Variants in CHN1 observed in about 807,000 individuals in gnomAD.
CHN1 encodes the protein chimerin 1, also known as N-chimaerin.
CHN1 carries 37 observed loss-of-function variants against 59.5 expected under a neutral mutation model. That is an observed-to-expected ratio of 0.62 (90% CI 0.48 to 0.82). The LOEUF (loss-of-function observed/expected upper bound fraction) is 0.82. CHN1 is among the 40% of genes least tolerant of loss of function. CHN1 has a pLI of 0.00. For missense variants in CHN1, 469 were observed against 571.0 expected, an observed-to-expected ratio of 0.82 and a Z score of 1.82; for synonymous variants, 206 against 200.4, an observed-to-expected ratio of 1.03 and a Z score of -0.24.
chr2:174,801,877 T>C (rs1684733590), intron 11 of CHN1, 65 bp from the exon 12 acceptor site: 1 of 1,161,792 alleles, frequency 8.6e-7, no homozygotes, highest in African/African-American at 1.5e-5. Flanking sequence ...AATGGTTCAC[T>C]GAATTCTATT....
intron 6 of CHN1, chr2:174,875,911 A>G (rs1282995799): frequency 1.3e-6 from 1 of 789,668 alleles, no homozygotes; most frequent in African/African-American, 1.9e-5. Flanking sequence ...ATTTTAAGCC[A>G]GCTAGATTTA....
Position 175,005,120 on chromosome 2 carries a change from C to G in CHN1, c.-208G>C, listed in dbSNP as rs564375528. On this transcript the variant is annotated 5_prime_UTR_variant, in exon 1 of 13. Transcript: ENST00000409900. ...TATTCACGCGTTATTGTCGGGCGCA[C>G]CGGGCCCAGGGAGCCCCGCTAGCTC... is the stretch of plus-strand genomic sequence containing the variant. The G allele has an allele frequency of 2.3e-6, 3 of 1,318,728 alleles. No homozygotes were observed. In the East Asian group the frequency reaches 9.8e-5, roughly 43 times the overall value. The allele number at this position is 1,318,728 out of a possible 1,614,324, so 81.7% of individuals were successfully genotyped here.
intron 3 of CHN1, among the ~76,000 whole-genome samples, chr2:174,933,252 A>C (rs1186230318): frequency 3.9e-5 from 6 of 152,192 alleles, no homozygotes; most frequent in African/African-American, 1.4e-4. Flanking sequence ...TTACATTAAA[A>C]CCTGAAACTG....
chr2:174,803,007 T>A (rs1684776352), intron 11 of CHN1, among the ~76,000 whole-genome samples: 1 of 151,978 alleles, frequency 6.6e-6, no homozygotes. Context: ...CACTGTGCTC[T>A]AAGCCTGGGT....
intron 8 of CHN1, among the ~76,000 whole-genome samples, chr2:174,817,980 C>T (rs911868165): frequency 6.6e-6 from 1 of 152,004 alleles, no homozygotes; most frequent in Non-Finnish European, 1.5e-5. Flanking sequence ...ACCATATTGG[C>T]CAGGCTGGTA....
intron 5 of CHN1, among the ~76,000 whole-genome samples, chr2:174,912,849 C>T (rs1220585824): frequency 1.3e-5 from 2 of 152,136 alleles, no homozygotes; most frequent in East Asian, 3.8e-4. Context: ...CCCCTTTTTA[C>T]TCACTATTTT....
intron 1 of CHN1, among the ~76,000 whole-genome samples, chr2:174,961,909 C>G (rs1393263836): frequency 6.6e-6 from 1 of 152,086 alleles, no homozygotes. Context: ...CTCAGGAGTC[C>G]CTGGACCATG....
chr2:174,941,859 T>C (rs1431190657), intron 3 of CHN1, among the ~76,000 whole-genome samples: 2 of 152,098 alleles, frequency 1.3e-5, no homozygotes, highest in African/African-American at 4.8e-5. Context: ...TATTTCTGAG[T>C]TTGTACAGTC....
chr2:174,945,559 T>C (rs553247039), intron 2 of CHN1, among the ~76,000 whole-genome samples: 1 of 152,100 alleles, frequency 6.6e-6, no homozygotes, highest in South Asian at 2.1e-4. Context: ...TCAGTGAAAA[T>C]TATACTGATA....
chr2:174,865,864 T>C (rs541342260), intron 6 of CHN1, among the ~76,000 whole-genome samples: 2 of 152,266 alleles, frequency 1.3e-5, no homozygotes, highest in African/African-American at 4.8e-5. Flanking sequence ...AAAGAACATA[T>C]GGGTAGAAAA....
intron 3 of CHN1, among the ~76,000 whole-genome samples, chr2:174,935,653 C>T (rs1028041000): frequency 6.6e-5 from 10 of 152,008 alleles, no homozygotes; most frequent in South Asian, 2.1e-4. Context: ...TGGCCTGGCA[C>T]GGTGGCTCAC....
At chr2:174,921,257 G>A (rs1003085265) in intron 3 of CHN1, among the ~76,000 whole-genome samples, 6 of 152,172 alleles carry the variant, frequency 3.9e-5, no homozygotes, top group African/African-American at 1.4e-4. Context: ...CCTTTTGTCT[G>A]AGCTATTTTG....
At chr2:174,882,333 CCAGATGCATT>C (rs1191825404) in intron 5 of CHN1, among the ~76,000 whole-genome samples, 10 of 152,062 alleles carry the variant, frequency 6.6e-5, no homozygotes, top group Non-Finnish European at 1.2e-4. Context: ...AATGCTGTGC[CCAGATGCATT>C]CAGATGCATT....
chr2:174,877,418 T>C (rs879717313), intron 6 of CHN1, among the ~76,000 whole-genome samples: 7 of 151,992 alleles, frequency 4.6e-5, no homozygotes, highest in African/African-American at 7.2e-5. Flanking sequence ...CATAAAATCT[T>C]GCTAAGAACA....
At chr2:174,953,997 C>G (rs1690109687) in intron 1 of CHN1, among the ~76,000 whole-genome samples, 1 of 151,998 alleles carries the variant, frequency 6.6e-6, no homozygotes, top group Middle Eastern at 3.2e-3. Flanking sequence ...CAAGACTATG[C>G]AAAAAGAACA....
chr2:174,921,216 C>G (rs1004974702), intron 3 of CHN1, among the ~76,000 whole-genome samples: 1 of 152,192 alleles, frequency 6.6e-6, no homozygotes, highest in African/African-American at 2.4e-5. Flanking sequence ...CTATAGCATA[C>G]CCTACTGGCT....
rs553470562 is a variant in CHN1, at chr2:174,910,378, C to T, written c.260+4680G>A. ...GTCTTATGCCATATTAAATGTCCAA[C>T]GTTGATAAAGAATTTTTTTTTTTTA... On this transcript the variant is annotated intron_variant, in intron 5 of 12. Coordinates refer to ENST00000409900, the MANE Select transcript of CHN1 (RefSeq NM_001822.7). 1.1e-3 allele frequency among the ~76,000 whole-genome samples: 168 copies of T among 151,882 alleles called. 1 individual carries two copies. The highest frequency in any genetic ancestry group is 3.9e-3 in the African/African-American group (162 of 41,402).
chr2:174,995,219 G>T (rs1691669416), intron 1 of CHN1, among the ~76,000 whole-genome samples: 1 of 152,188 alleles, frequency 6.6e-6, no homozygotes. Context: ...ACTGATTACA[G>T]AAATCCTTAT....
At chr2:174,893,384 G>A (rs1688115533) in intron 5 of CHN1, among the ~76,000 whole-genome samples, 1 of 151,984 alleles carries the variant, frequency 6.6e-6, no homozygotes, top group Admixed American at 6.5e-5. Flanking sequence ...GTATCAAAAA[G>A]AATAAAATAC....
Sources: allele counts gnomAD v4.1 joint callset (sites outside exome capture counted in the v4.1 genomes callset), GRCh38; gene constraint gnomAD v4.1.1; transcripts MANE v1.5; gene names NCBI Gene and HGNC (gene_info 2026-07-23, HGNC 2026-07-21).